NME8: variants seen among roughly 807,000 people sequenced by gnomAD.
The protein encoded by NME8 is NME/NM23 family member 8.
A neutral mutation model predicts 82.3 loss-of-function variants in NME8; 72 were observed. The ratio of observed to expected loss-of-function variants is 0.87; its 90% confidence interval spans 0.72 to 1.06. The LOEUF (loss-of-function observed/expected upper bound fraction) is 1.06, where lower values mean the gene tolerates loss of function less well. Among genes scored for constraint, NME8 ranks in the 50% least tolerant of loss-of-function variants. NME8 has a pLI of 0.00. For synonymous variants in NME8, 267 were observed against 228.5 expected (o/e 1.17, Z -1.52); for missense variants, 712 against 685.4 (o/e 1.04, Z -0.43).
At chr7:37,853,836 G>T (rs948353401) in intron 5 of NME8, among the ~76,000 whole-genome samples, 1 of 151,726 alleles carries the variant, frequency 6.6e-6, no homozygotes, top group African/African-American at 2.4e-5. Flanking sequence ...TCTGCTGTGT[G>T]CCTTTTTAAA....
rs1400380761 is a variant in NME8 at position 37,884,328 on chromosome 7, T to C, written c.1020T>C (p.Asp340=). The C allele has an allele frequency of 1.3e-6, 2 of 1,593,852 alleles. No individual in the cohort carries two copies. Among genetic ancestry groups the C allele is most frequent in the South Asian group, 2.2e-5 (2 of 90,724 alleles). Residue 340 remains aspartate (D), a synonymous_variant, in exon 13 of 18, where the codon GAT becomes GAC. Coordinates refer to ENST00000199447, the MANE Select transcript of NME8 (RefSeq NM_016616.5). ...ATGATGTTTTGCGTATTATTAAAGA[T>C]GAAGACTTCAAAATACTGGAGCAAA... is the stretch of plus-strand genomic sequence containing the variant. ...RKDDVLRIIK[D]EDFKILEQRQ... is the part of the protein sequence containing the mutation.
Position 37,850,625 on chromosome 7 carries a change from C to T in NME8, c.92-4C>T. 2.5e-6 allele frequency: 4 copies of T among 1,590,088 alleles called. No homozygotes were observed. Among genetic ancestry groups the T allele is most frequent in the East Asian group, 2.2e-5 (1 of 44,770 alleles). ...GTTATTTCATAAATATCATCATCTTCTAGTGATTGATGTTTACCAAGCCTG... is the reference window on the plus strand; with the variant it reads ...GTTATTTCATAAATATCATCATCTTTTAGTGATTGATGTTTACCAAGCCTG... On this transcript the variant is annotated splice_polypyrimidine_tract_variant and splice_region_variant and intron_variant, in intron 4 of 17. Coordinates refer to ENST00000199447, the MANE Select transcript of NME8 (RefSeq NM_016616.5).
chr7:37,897,677 C>T (rs1299669426), intron 17 of NME8, among the ~76,000 whole-genome samples: 1 of 151,856 alleles, frequency 6.6e-6, no homozygotes, highest in East Asian at 1.9e-4. Context: ...CCCCCCACCC[C>T]CCAACAGGCC....
chr7:37,866,655 T>G (rs1277096753), intron 10 of NME8, among the ~76,000 whole-genome samples: 1 of 152,186 alleles, frequency 6.6e-6, no homozygotes, highest in African/African-American at 2.4e-5. Context: ...TGTAGGAGAC[T>G]AGTGACTGGG....
At chr7:37,877,069 G>A in intron 12 of NME8, 62 bp downstream of exon 12, 1 of 1,332,492 alleles carries the variant, frequency 7.5e-7, no homozygotes, top group South Asian at 1.2e-5. Context: ...ATAAACCCTA[G>A]TATAATTGCA....
At chr7:37,885,933 C>A (rs1217444661) in intron 14 of NME8, among the ~76,000 whole-genome samples, 1 of 152,174 alleles carries the variant, frequency 6.6e-6, no homozygotes, top group Admixed American at 6.5e-5. Context: ...AGAAAGGACA[C>A]CCCTCATACT....
intron 10 of NME8, among the ~76,000 whole-genome samples, chr7:37,865,866 T>C (rs1784668884): frequency 6.6e-6 from 1 of 152,112 alleles, no homozygotes; most frequent in African/African-American, 2.4e-5. Context: ...GAAGACCTCT[T>C]TATGTCAGGC....
chr7:37,896,036 CAT>C (rs1446082707), intron 16 of NME8, among the ~76,000 whole-genome samples: 1 of 152,124 alleles, frequency 6.6e-6, no homozygotes, highest in Non-Finnish European at 1.5e-5. Context: ...TACACACACA[CAT>C]GCACACACAC....
chr7:37,863,381 A>C lies in NME8; in HGVS notation c.388-15A>C. The C allele has an allele frequency of 2.0e-6, 3 of 1,507,300 alleles. No homozygotes were observed. The highest frequency in any genetic ancestry group is 2.8e-6 in the Non-Finnish European group (3 of 1,083,126). 93.4% of individuals were successfully genotyped at this position (1,507,300 alleles called of 1,614,324 possible). ...CATAACTGTGTTATCTTTGCATTGCATTTCTTTTTCATAGTATCCTGAAAT... is the reference window on the plus strand; with the variant it reads ...CATAACTGTGTTATCTTTGCATTGCCTTTCTTTTTCATAGTATCCTGAAAT... On this transcript the variant is annotated splice_polypyrimidine_tract_variant and intron_variant, in intron 7 of 17. Transcript: ENST00000199447.
chr7:37,868,027 C>G, intron 11 of NME8, 129 bp downstream of exon 11: 3 of 774,208 alleles, frequency 3.9e-6, no homozygotes, highest in Non-Finnish European at 6.6e-6. Flanking sequence ...TCCAGTCAAC[C>G]TAACATACTG....
rs777800450 is a variant in NME8, at chr7:37,894,539, G to A, written c.1473G>A (p.Glu491=). ...TGAAGAAAATGTTCCTAACTCCTGAGCAAATAGAGAAAATTTATCCAAAAG... is the reference window on the plus strand; with the variant it reads ...TGAAGAAAATGTTCCTAACTCCTGAACAAATAGAGAAAATTTATCCAAAAG... ...TQVKKMFLTP[E]QIEKIYPKVT... The change falls in exon 16 of 18, where the codon GAG becomes GAA. Residue 491 remains glutamate, a synonymous_variant. Coordinates refer to ENST00000199447, the MANE Select transcript of NME8 (RefSeq NM_016616.5). 6 of 1,611,192 alleles carry A rather than the reference G, an allele frequency of 3.7e-6. No homozygotes were observed. In the Admixed American group the frequency reaches 1.0e-4, roughly 27 times the overall value.
chr7:37,855,115 A>T (rs1282415339), intron 5 of NME8, among the ~76,000 whole-genome samples: 3 of 152,066 alleles, frequency 2.0e-5, no homozygotes, highest in Admixed American at 2.0e-4. Context: ...TGAATTATAG[A>T]TGTTGTGTTT....
Position 37,896,095 on chromosome 7 carries a change from C to T in NME8, c.1545-775C>T, listed in dbSNP as rs534143366. 2.0e-5 allele frequency among the ~76,000 whole-genome samples: 3 copies of T among 152,222 alleles called. No individual in the cohort carries two copies. In the South Asian group the frequency reaches 6.2e-4, roughly 32 times the overall value. ...ATAAGAAACCTCTTTAATTGCATGT[C>T]TTCTCTTTTTTCAGTTCCTGACAAT... On this transcript the variant is annotated intron_variant, in intron 16 of 17. Coordinates refer to ENST00000199447, the MANE Select transcript of NME8 (RefSeq NM_016616.5).
Position 37,896,964 on chromosome 7 carries a change from C to T in NME8, c.1639C>T (p.Leu547Phe). 1 of 1,613,886 alleles carries T rather than the reference C, an allele frequency of 6.2e-7. No individual in the cohort carries two copies. The highest frequency in any genetic ancestry group is 8.5e-7 in the Non-Finnish European group (1 of 1,179,882). The stretch of plus-strand genomic sequence containing the variant: ...AACAGACCCAGAAGAAGCAAAATTA[C>T]TTTCCCCTGACTCCATCCGAGCCCA... Reference protein sequence around the residue: ...GPTDPEEAKLLSPDSIRAQFG... With the variant: ...GPTDPEEAKLFSPDSIRAQFG... Residue 547 changes from leucine (L) to phenylalanine (F), a missense_variant, in exon 17 of 18, where the codon CTT (leucine) becomes TTT (phenylalanine). Coordinates refer to ENST00000199447, the MANE Select transcript of NME8 (RefSeq NM_016616.5).
chr7:37,850,194 C>A, intron 2 of NME8, 66 bp from the exon 3 acceptor site: 1 of 1,240,218 alleles, frequency 8.1e-7, no homozygotes, highest in Non-Finnish European at 1.2e-6. Context: ...ATGTTATTTG[C>A]ATGCATAAAG....
chr7:37,900,058 C>A (rs192747263), intron 17 of NME8, among the ~76,000 whole-genome samples, 186 bp from the exon 18 acceptor site: 2 of 152,306 alleles, frequency 1.3e-5, no homozygotes, highest in East Asian at 3.9e-4. Context: ...TTCATTAACT[C>A]ATTGCTCTGT....
At chr7:37,852,662 A>G (rs1296959274) in intron 5 of NME8, among the ~76,000 whole-genome samples, 2 of 152,086 alleles carry the variant, frequency 1.3e-5, no homozygotes, top group Non-Finnish European at 2.9e-5. Flanking sequence ...TAATGATTTG[A>G]TAGCTCATTT....
chr7:37,871,815 T>C (rs571470923), intron 11 of NME8, among the ~76,000 whole-genome samples: 1 of 152,288 alleles, frequency 6.6e-6, no homozygotes, highest in South Asian at 2.1e-4. Context: ...ATTTTTTCCT[T>C]TATGATATTC....
intron 11 of NME8, among the ~76,000 whole-genome samples, chr7:37,870,094 G>A (rs1784745337): frequency 1.3e-5 from 2 of 152,036 alleles, no homozygotes; most frequent in Admixed American, 6.6e-5. Context: ...TCCTTCAACA[G>A]AATTCTTCTC....
Sources: allele counts gnomAD v4.1 joint callset (sites outside exome capture counted in the v4.1 genomes callset), GRCh38; gene constraint gnomAD v4.1.1; transcripts MANE v1.5; gene names NCBI Gene and HGNC (gene_info 2026-07-23, HGNC 2026-07-21).